The following SPRED2 variants were observed in gnomAD, a reference collection of about 807,000 sequenced individuals.
SPRED2 encodes sprouty related EVH1 domain containing 2, also known as sprouty-related, EVH1 domain-containing protein 2.
In SPRED2, 47 loss-of-function variants were observed where a neutral mutation model predicts 43.0. That is an observed-to-expected ratio of 1.09 (90% confidence interval 0.87 to 1.40). The LOEUF is 1.40. Ranked by LOEUF, SPRED2 falls within the 40% of genes most tolerant of loss-of-function variation. The pLI is 0.00. For synonymous variants in SPRED2, 225 were observed against 225.7 expected (o/e 1.00, Z 0.03); for missense variants, 561 against 586.4 (o/e 0.96, Z 0.45).
Position 65,377,244 on chromosome 2 carries a change from T to C in SPRED2, c.27-32348A>G, listed in dbSNP as rs141077555. On this transcript the variant is annotated intron_variant, in intron 1 of 5. Transcript: ENST00000356388. ...CTGCTCTGTAACCATCTAACCATGATACAAAGACAGAAGAAAATCTTGCAA... is the reference window on the plus strand; with the variant it reads ...CTGCTCTGTAACCATCTAACCATGACACAAAGACAGAAGAAAATCTTGCAA... Among the ~76,000 whole-genome samples the C allele has an allele frequency of 1.3e-3, 200 of 152,306 alleles. 1 individual carries two copies. Among genetic ancestry groups the C allele is most frequent in the African/African-American group, 4.4e-3 (182 of 41,566 alleles).
At position 65,432,238 on chromosome 2, in the gene SPRED2, CG is replaced by C; in HGVS notation, c.-252del. On this transcript the variant is annotated 5_prime_UTR_variant, in exon 1 of 6. Transcript: ENST00000356388. ...CGTGGGGAGAGGCGGGCGGAGGCTC[CG>C]GGGGCTCGGGAGCGGGCAGAGGGGG... The C allele has an allele frequency of 6.4e-6, 3 of 467,376 alleles. No individual in the cohort carries two copies. Among genetic ancestry groups the C allele is most frequent in the Admixed American group, 3.5e-5 (1 of 28,200 alleles). 29.0% of individuals were successfully genotyped at this position (467,376 alleles called of 1,614,324 possible).
Position 65,310,882 on chromosome 2 carries a change from C to T in SPRED2, c.*2619G>A, listed in dbSNP as rs567933789. 2 of 985,590 alleles carry T rather than the reference C, an allele frequency of 2.0e-6. No homozygotes were observed. Among genetic ancestry groups the T allele is most frequent in the South Asian group, 9.4e-5 (2 of 21,274 alleles). 61.1% of individuals were successfully genotyped at this position (985,590 alleles called of 1,614,324 possible). A position where few individuals can be genotyped will look rare whatever the true frequency, so the allele number is the denominator to read the frequency against. ...AGGATGTGTTTATATTTACACGGTA[C>T]ATTTTAAAGCAATGGCTACATTGGT... On this transcript the variant is annotated 3_prime_UTR_variant, in exon 6 of 6. Transcript: ENST00000356388.
At chr2:65,354,542 G>C (rs1674592967) in intron 1 of SPRED2, among the ~76,000 whole-genome samples, 1 of 144,988 alleles carries the variant, frequency 6.9e-6, no homozygotes, top group Non-Finnish European at 1.5e-5. Context: ...TCTATCTACA[G>C]TGCTCTCATG....
intron 1 of SPRED2, among the ~76,000 whole-genome samples, chr2:65,350,772 C>T (rs1674485418): frequency 6.6e-6 from 1 of 152,198 alleles, no homozygotes. Flanking sequence ...TAAGTGTTCT[C>T]CAGTTTCAAA....
chr2:65,323,126 C>T (rs1223753367), intron 4 of SPRED2, among the ~76,000 whole-genome samples: 8 of 152,156 alleles, frequency 5.3e-5, no homozygotes, highest in Admixed American at 5.2e-4. Context: ...TCCTGAGTAG[C>T]TGGACCACAG....
intron 4 of SPRED2, among the ~76,000 whole-genome samples, chr2:65,322,726 T>C (rs914591928): frequency 6.6e-6 from 1 of 152,360 alleles, no homozygotes; most frequent in Admixed American, 6.5e-5. Flanking sequence ...TTACTTCTAA[T>C]GAATTTCTAT....
rs186747870 is a variant in SPRED2, at chr2:65,423,594, A to C, written c.26+8368T>G. On this transcript the variant is annotated intron_variant, in intron 1 of 5. Coordinates refer to ENST00000356388, the MANE Select transcript of SPRED2 (RefSeq NM_181784.3). The stretch of plus-strand genomic sequence containing the variant: ...GTCATTTCAGCTCTCTAAGGTACAA[A>C]GTGAAAATCTTGTTTCCTGCCTTGT... 3.9e-5 allele frequency among the ~76,000 whole-genome samples: 6 copies of C among 152,340 alleles called. No individual in the cohort carries two copies. The East Asian group carries it at 1.2e-3, about 29-fold the overall frequency.
intron 1 of SPRED2, among the ~76,000 whole-genome samples, chr2:65,356,862 C>T (rs1361531582): frequency 1.3e-5 from 2 of 151,962 alleles, no homozygotes; most frequent in Non-Finnish European, 2.9e-5. Context: ...GGTGTGATGG[C>T]GGGCACCTGT....
chr2:65,356,523 TCCCCAGTTCC>T lies in SPRED2; in HGVS notation c.27-11637_27-11628del, dbSNP rs1336589115. Among the ~76,000 whole-genome samples, 4 of 34,766 alleles carry T rather than the reference TCCCCAGTTCC, an allele frequency of 1.2e-4. No homozygotes were observed. The African/African-American group carries it at 1.5e-3, about 13-fold the overall frequency. The allele number at this position is 34,766 out of a possible 152,430, so 22.8% of individuals were successfully genotyped here. A position where few individuals can be genotyped will look rare whatever the true frequency, so the allele number is the denominator to read the frequency against. ...TTCTTTCTGCTATTTAGAGTGCAGT[TCCCCAGTTCC>T]CTCTTTTTTTTTTTTTTTTTTTTTT... On this transcript the variant is annotated intron_variant, in intron 1 of 5. Transcript: ENST00000356388.
intron 1 of SPRED2, among the ~76,000 whole-genome samples, chr2:65,348,766 C>T (rs1037517893): frequency 1.3e-5 from 2 of 149,202 alleles, no homozygotes; most frequent in African/African-American, 5.0e-5. Context: ...GCACTCCACC[C>T]TGGGCAACAA....
intron 1 of SPRED2, among the ~76,000 whole-genome samples, chr2:65,345,974 TTA>T (rs1674338674): frequency 6.6e-6 from 1 of 152,234 alleles, no homozygotes; most frequent in Non-Finnish European, 1.5e-5. Context: ...GAATTCATTT[TTA>T]CTCATTCAAA....
intron 1 of SPRED2, among the ~76,000 whole-genome samples, chr2:65,378,452 T>A (rs1407356098): frequency 6.6e-6 from 1 of 152,056 alleles, no homozygotes; most frequent in Admixed American, 6.6e-5. Context: ...CAAGAAAAAG[T>A]GTGTGTGTGG....
Position 65,316,897 on chromosome 2 carries a change from G to A in SPRED2, c.439-14C>T, listed in dbSNP as rs763984122. On this transcript the variant is annotated splice_polypyrimidine_tract_variant and intron_variant, in intron 4 of 5. Transcript: ENST00000356388. ...GTCTGTAGCTGTCTGTGTAGAGGGA[G>A]GTAACCAAGAGTCAATTTAAAAACA... is the stretch of plus-strand genomic sequence containing the variant. 1.6e-5 allele frequency: 26 copies of A among 1,612,674 alleles called. No homozygotes were observed. The East Asian group carries it at 4.5e-4, about 28-fold the overall frequency.
At chr2:65,422,077 A>AACAC (rs367817858) in intron 1 of SPRED2, among the ~76,000 whole-genome samples, 1,293 of 127,646 alleles carry the variant, frequency 0.01, 18 homozygotes, top group East Asian at 0.025. Context: ...TTGTATGTAC[A>AACAC]ACACACACAC....
chr2:65,307,939 C>T (rs1171997785), downstream of SPRED2, among the ~76,000 whole-genome samples: 1 of 152,236 alleles, frequency 6.6e-6, no homozygotes, highest in African/African-American at 2.4e-5. Flanking sequence ...AGCCTCCTCC[C>T]CACACCCCCC....
At chr2:65,366,214 T>A (rs1364964648) in intron 1 of SPRED2, among the ~76,000 whole-genome samples, 1 of 151,926 alleles carries the variant, frequency 6.6e-6, no homozygotes, top group Non-Finnish European at 1.5e-5. Flanking sequence ...TTCATTTGTT[T>A]TAAAGCTCTA....
At position 65,338,798 on chromosome 2, in the gene SPRED2, A is replaced by C. The variant is rs1442389610; in HGVS notation, c.205-4025T>G. Reference sequence around the variant, plus strand: ...GAGGAGCCCCTCTGCCTGGCTGCCCAGTCTGGAAAGTGAGGAGCGTCTCTG... The same window carrying C: ...GAGGAGCCCCTCTGCCTGGCTGCCCCGTCTGGAAAGTGAGGAGCGTCTCTG... On this transcript the variant is annotated intron_variant, in intron 2 of 5. Coordinates refer to ENST00000356388, the MANE Select transcript of SPRED2 (RefSeq NM_181784.3). Among the ~76,000 whole-genome samples the C allele has an allele frequency of 5.6e-5, 8 of 143,648 alleles. No individual in the cohort carries two copies. The East Asian group carries it at 1.7e-3, about 30-fold the overall frequency. 94.2% of individuals were successfully genotyped at this position (143,648 alleles called of 152,430 possible). A position where few individuals can be genotyped will look rare whatever the true frequency, so the allele number is the denominator to read the frequency against.
chr2:65,361,988 C>A (rs1415764472), intron 1 of SPRED2, among the ~76,000 whole-genome samples: 2 of 152,118 alleles, frequency 1.3e-5, no homozygotes, highest in East Asian at 1.9e-4. Context: ...ACAACAACAA[C>A]AAAAAAAGCC....
At position 65,314,178 on chromosome 2, in the gene SPRED2, T is replaced by C; in HGVS notation, c.589-9A>G. ...TAGGGCCTTGGCATCGGCTGTCCCG[T>C]AGGAGAGGAGACATTATTTTACAGC... On this transcript the variant is annotated splice_polypyrimidine_tract_variant and intron_variant, in intron 5 of 5. Coordinates refer to ENST00000356388, the MANE Select transcript of SPRED2 (RefSeq NM_181784.3). The C allele has an allele frequency of 6.4e-7, 1 of 1,569,754 alleles. No individual in the cohort carries two copies. The highest frequency in any genetic ancestry group is 1.2e-5 in the South Asian group (1 of 86,490).
Sources: allele counts gnomAD v4.1 joint callset (sites outside exome capture counted in the v4.1 genomes callset), GRCh38; gene constraint gnomAD v4.1.1; transcripts MANE v1.5; gene names NCBI Gene and HGNC (gene_info 2026-07-23, HGNC 2026-07-21).